The following RGS8 variants were observed in gnomAD, a reference collection of about 807,000 sequenced individuals.
RGS8 encodes the protein regulator of G-protein signaling 8.
In RGS8, 8 loss-of-function variants were observed where a neutral mutation model predicts 21.7. The ratio of observed to expected loss-of-function variants is 0.37; its 90% CI spans 0.22 to 0.66. The LOEUF (loss-of-function observed/expected upper bound fraction) is 0.66. Among genes scored for constraint, RGS8 ranks in the 30% least tolerant of loss-of-function variants. RGS8 has a pLI of 0.59. For synonymous variants in RGS8, 80 were observed against 83.6 expected (o/e 0.96, Z 0.24); for missense variants, 157 against 217.9 (o/e 0.72, Z 1.76).
chr1:182,666,144 C>A (rs554768681), intron 4 of RGS8, 111 bp from the exon 6 acceptor site: 8 of 824,228 alleles, frequency 9.7e-6, no homozygotes, highest in Non-Finnish European at 1.6e-5. Context: ...GGGAAGGGTG[C>A]AGGGAGCAAA....
chr1:182,649,130 T>C (rs764540993), intron 5 of RGS8, among the ~76,000 whole-genome samples: 3 of 152,136 alleles, frequency 2.0e-5, no homozygotes, highest in Non-Finnish European at 4.4e-5. Flanking sequence ...ATAGTAATAT[T>C]ACGAAGCCAC....
At chr1:182,686,886 T>C (rs1664724446), upstream of RGS8, among the ~76,000 whole-genome samples, 1 of 151,904 alleles carries the variant, frequency 6.6e-6, no homozygotes, top group Non-Finnish European at 1.5e-5. Flanking sequence ...CAACCAAAGA[T>C]ACTGAGAAAA....
At chr1:182,728,939 C>T in the RGS8 span, among the ~76,000 whole-genome samples, 3 of 152,168 alleles carry the variant, frequency 2.0e-5, no homozygotes, top group African/African-American at 4.8e-5. Flanking sequence ...ACCACCATGA[C>T]ACACATTTAC....
At chr1:182,735,291 T>C in the RGS8 span, among the ~76,000 whole-genome samples, 4 of 152,312 alleles carry the variant, frequency 2.6e-5, no homozygotes, top group African/African-American at 7.2e-5. Flanking sequence ...TAGAGTATTA[T>C]AATCAACGAT....
At chr1:182,736,685 C>G in the RGS8 span, among the ~76,000 whole-genome samples, 1 of 152,186 alleles carries the variant, frequency 6.6e-6, no homozygotes, top group South Asian at 2.1e-4. Flanking sequence ...CTTGAGTAAT[C>G]CCCTACCATG....
chr1:182,652,311 G>C (rs1297450194), intron 5 of RGS8, among the ~76,000 whole-genome samples: 1 of 152,210 alleles, frequency 6.6e-6, no homozygotes, highest in Non-Finnish European at 1.5e-5. Context: ...TGTAAAGATA[G>C]CCTTGCTAAG....
At chr1:182,732,230 T>TTC in the RGS8 span, among the ~76,000 whole-genome samples, 3 of 136,976 alleles carry the variant, frequency 2.2e-5, no homozygotes, top group African/African-American at 5.7e-5. Context: ...CTCTCTCTCT[T>TTC]TCTCTCTCTC....
chr1:182,750,971 T>C, the RGS8 span, among the ~76,000 whole-genome samples: 1 of 152,300 alleles, frequency 6.6e-6, no homozygotes, highest in East Asian at 1.9e-4. Context: ...TAAAGCAAAG[T>C]TTCCTGGAGA....
At chr1:182,658,422 T>A (rs1229537048) in intron 5 of RGS8, 1 of 152,174 alleles carries the variant, frequency 6.6e-6, no homozygotes, top group Non-Finnish European at 1.5e-5. Context: ...TATTTTAAGT[T>A]CTCTATTTAT....
the RGS8 span, among the ~76,000 whole-genome samples, chr1:182,709,751 C>G: frequency 1.3e-5 from 2 of 152,134 alleles, no homozygotes; most frequent in Admixed American, 6.5e-5. Context: ...TTTTCAACTC[C>G]CCCCACTGTC....
chr1:182,656,349 C>T (rs1663278053), intron 5 of RGS8, among the ~76,000 whole-genome samples: 1 of 152,100 alleles, frequency 6.6e-6, no homozygotes, highest in Non-Finnish European at 1.5e-5. Flanking sequence ...CCATTTAGCT[C>T]ACAGACCTGG....
chr1:182,713,405 A>G, the RGS8 span, among the ~76,000 whole-genome samples: 3 of 152,058 alleles, frequency 2.0e-5, no homozygotes, highest in Non-Finnish European at 4.4e-5. Context: ...GCTCTTCTAG[A>G]TCTCCTGACC....
intron 1 of RGS8, among the ~76,000 whole-genome samples, chr1:182,678,800 GA>G (rs1244963060): frequency 6.6e-6 from 1 of 152,180 alleles, no homozygotes; most frequent in Non-Finnish European, 1.5e-5. Context: ...TAGTTTCTGT[GA>G]GGGCAGCTGA....
chr1:182,724,145 A>G, the RGS8 span, among the ~76,000 whole-genome samples: 225 of 144,362 alleles, frequency 1.6e-3, 3 homozygotes, highest in Non-Finnish European at 2.9e-3. Flanking sequence ...ATCAGCTGCC[A>G]GTGTGGCCAG....
At chr1:182,689,246 C>T (rs573191758), upstream of RGS8, among the ~76,000 whole-genome samples, 193 of 148,288 alleles carry the variant, frequency 1.3e-3, no homozygotes, top group African/African-American at 4.5e-3. Context: ...CTCTCGTGCA[C>T]GCGCACGCAC....
intron 5 of RGS8, among the ~76,000 whole-genome samples, chr1:182,664,601 T>TA (rs762077091): frequency 3.9e-4 from 60 of 151,986 alleles, no homozygotes; most frequent in South Asian, 1.9e-3. Flanking sequence ...ATAGCCTCAT[T>TA]AAAAAAAATA....
the RGS8 span, among the ~76,000 whole-genome samples, chr1:182,713,327 G>A: frequency 1.3e-5 from 2 of 151,936 alleles, no homozygotes. Flanking sequence ...GGGATTACAG[G>A]CGCATGCCAC....
chr1:182,715,666 C>G, the RGS8 span, among the ~76,000 whole-genome samples: 1 of 152,130 alleles, frequency 6.6e-6, no homozygotes, highest in East Asian at 1.9e-4. Context: ...CGTCTTGAGA[C>G]CACATTTTTG....
chr1:182,653,036 T>TAC (rs758817310), intron 5 of RGS8, among the ~76,000 whole-genome samples: 28 of 152,196 alleles, frequency 1.8e-4, no homozygotes, highest in Non-Finnish European at 3.2e-4. Context: ...TAGGATAGCA[T>TAC]ACACCAAGAG....
Sources: gnomAD v4.1 joint callset for allele counts (sites outside exome capture counted in the v4.1 genomes callset) on GRCh38, gnomAD v4.1.1 for gene constraint, MANE v1.5 for transcripts, NCBI Gene and HGNC (gene_info 2026-07-23, HGNC 2026-07-21) for gene names.